ZNF695: variants seen among roughly 807,000 people sequenced by gnomAD.
The protein encoded by ZNF695 is zinc finger protein SBZF3.
A neutral mutation model predicts 11.2 loss-of-function variants in ZNF695; 11 were observed. The ratio of observed to expected loss-of-function variants is 0.98; its 90% CI spans 0.62 to 1.62. ZNF695 has a LOEUF of 1.62. Among genes scored for constraint, ZNF695 ranks in the 40% most tolerant of loss-of-function variants. The pLI is 0.00. For synonymous variants in ZNF695, 190 were observed against 201.4 expected (o/e 0.94, Z 0.48); for missense variants, 559 against 590.5 (o/e 0.95, Z 0.55).
chr1:246,960,680 C>G (rs922829397), intron 5 of ZNF695, among the ~76,000 whole-genome samples: 1 of 152,166 alleles, frequency 6.6e-6, no homozygotes, highest in Non-Finnish European at 1.5e-5. Context: ...TGGCTCACAC[C>G]TGTAATCCCA....
Position 246,987,241 on chromosome 1 carries a change from T to C in ZNF695, c.1274A>G (p.Gln425Arg), listed in dbSNP as rs1668877444. Residue 425 changes from glutamine to arginine, a missense_variant, in exon 4 of 4, where the codon CAA (glutamine) becomes CGA (arginine). Gln to Arg is a conservative substitution (Grantham distance 43). Coordinates refer to ENST00000339986, the MANE Select transcript of ZNF695 (RefSeq NM_020394.5). ...CTCTCCAGTATGAATTCTCTTATGTTGAGTAAGGTATGAAAACCAGGTAAA... is the reference window on the plus strand; with the variant it reads ...CTCTCCAGTATGAATTCTCTTATGTCGAGTAAGGTATGAAAACCAGGTAAA... ...KAFTWFSYLT[Q>R]HKRIHTGEKP... The C allele has an allele frequency of 1.2e-6, 2 of 1,613,904 alleles. No individual in the cohort carries two copies. Among genetic ancestry groups the C allele is most frequent in the Non-Finnish European group, 1.7e-6 (2 of 1,179,968 alleles).
chr1:246,999,752 T>C (rs560176055), intron 2 of ZNF695, among the ~76,000 whole-genome samples, 160 bp downstream of exon 2: 1 of 152,286 alleles, frequency 6.6e-6, no homozygotes, highest in African/African-American at 2.4e-5. Context: ...ATACATCAGC[T>C]GAATAGAAAG....
chr1:247,000,823 C>A (rs12748196), intron 1 of ZNF695, among the ~76,000 whole-genome samples: 6,007 of 152,234 alleles, frequency 0.039, 153 homozygotes, highest in South Asian at 0.12. Flanking sequence ...GTACACAGAC[C>A]ATTTACACTA....
intron 3 of ZNF695, 115 bp from the exon 4 acceptor site, chr1:246,988,370 C>T: frequency 1.4e-6 from 1 of 737,164 alleles, no homozygotes; most frequent in South Asian, 2.4e-5. Flanking sequence ...ATACCACAGG[C>T]CCTTATTCCT....
intron 3 of ZNF695, among the ~76,000 whole-genome samples, chr1:246,994,139 A>C (rs1160017185): frequency 1.3e-5 from 2 of 152,198 alleles, no homozygotes. Context: ...AATTATAAAC[A>C]TCTGTTCATA....
intron 3 of ZNF695, among the ~76,000 whole-genome samples, chr1:246,993,036 A>G (rs1669086604): frequency 6.6e-6 from 1 of 152,210 alleles, no homozygotes; most frequent in African/African-American, 2.4e-5. Context: ...AGCAGATGAG[A>G]AACTGCAGTA....
chr1:246,994,984 C>T (rs1558318573), intron 3 of ZNF695, among the ~76,000 whole-genome samples: 1 of 152,182 alleles, frequency 6.6e-6, no homozygotes, highest in Non-Finnish European at 1.5e-5. Context: ...ATCTGTGTCT[C>T]ACCAGGGTTC....
intron 1 of ZNF695, among the ~76,000 whole-genome samples, chr1:247,000,829 C>T (rs1419151095): frequency 1.3e-5 from 2 of 152,162 alleles, no homozygotes; most frequent in Non-Finnish European, 2.9e-5. Flanking sequence ...AGACCATTTA[C>T]ACTATAAAGC....
chr1:247,002,609 A>C (rs1435574685), intron 1 of ZNF695, among the ~76,000 whole-genome samples: 4 of 152,228 alleles, frequency 2.6e-5, no homozygotes, highest in African/African-American at 9.6e-5. Flanking sequence ...AACATGGCGA[A>C]ACCCCATCTC....
At position 246,999,384 on chromosome 1, in the gene ZNF695, A is replaced by AG. The variant is rs1669300023; in HGVS notation, c.222dup (p.Trp75LeufsTer20). Reference sequence around the variant, plus strand: ...GCTGTCTTCTCTGTGTTCACGTTCCAGGGCTCTTTCCTTGCCTCCAGACAG... The same window carrying AG: ...GCTGTCTTCTCTGTGTTCACGTTCCAGGGGCTCTTTCCTTGCCTCCAGACAG... On this transcript the variant is annotated frameshift_variant, in exon 3 of 4. Transcript: ENST00000339986. LOFTEE classifies it low-confidence loss of function (END_TRUNC). 1.2e-6 allele frequency: 2 copies of AG among 1,614,078 alleles called. No individual in the cohort carries two copies. Among genetic ancestry groups the AG allele is most frequent in the Non-Finnish European group, 1.7e-6 (2 of 1,179,996 alleles).
At chr1:246,976,618 C>T (rs373333262) in intron 4 of ZNF695, among the ~76,000 whole-genome samples, 10 of 151,578 alleles carry the variant, frequency 6.6e-5, no homozygotes, top group African/African-American at 1.2e-4. Context: ...CACGGTGAAA[C>T]CCCGTCTCTA....
chr1:246,945,612 A>G (rs543156462), downstream of ZNF695: 11 of 602,308 alleles, frequency 1.8e-5, no homozygotes, highest in South Asian at 2.5e-4. Flanking sequence ...AAAAAAAGAG[A>G]TATCTCAATA....
At chr1:246,945,615 T>A (rs1354670106), downstream of ZNF695, 5 of 612,150 alleles carry the variant, frequency 8.2e-6, no homozygotes, top group African/African-American at 7.4e-5. Flanking sequence ...AAAAGAGATA[T>A]CTCAATAAAA....
intron 5 of ZNF695, among the ~76,000 whole-genome samples, chr1:246,949,863 TG>T (rs1667829782): frequency 6.6e-6 from 1 of 152,248 alleles, no homozygotes; most frequent in African/African-American, 2.4e-5. Context: ...CTAACAATTT[TG>T]TATGTGTCTT....
At chr1:246,977,692 C>T (rs891341238) in intron 4 of ZNF695, among the ~76,000 whole-genome samples, 1 of 152,208 alleles carries the variant, frequency 6.6e-6, no homozygotes, top group African/African-American at 2.4e-5. Flanking sequence ...AACTTTCATA[C>T]ATCTCATTCT....
rs959134483 is a variant in ZNF695 at position 246,985,749 on chromosome 1, A to G, written c.*1218T>C. ...GTTTCTTTCTTAAATATAATGCAGA[A>G]TAGTACTCTGAAGACCTATCTCATG... On this transcript the variant is annotated 3_prime_UTR_variant, in exon 4 of 4. Coordinates refer to ENST00000339986, the MANE Select transcript of ZNF695 (RefSeq NM_020394.5). 1.0e-6 allele frequency: 1 copy of G among 985,312 alleles called. No homozygotes were observed. Among genetic ancestry groups the G allele is most frequent in the African/African-American group, 1.7e-5 (1 of 57,244 alleles). 61.0% of individuals were successfully genotyped at this position (985,312 alleles called of 1,614,324 possible).
At chr1:246,997,795 AAC>A (rs984294582) in intron 3 of ZNF695, among the ~76,000 whole-genome samples, 4 of 152,220 alleles carry the variant, frequency 2.6e-5, no homozygotes, top group African/African-American at 7.2e-5. Context: ...AAATAAGCCA[AAC>A]ACAGAAAAAC....
intron 5 of ZNF695, among the ~76,000 whole-genome samples, chr1:246,951,390 T>C (rs943461798): frequency 6.6e-6 from 1 of 151,770 alleles, no homozygotes; most frequent in African/African-American, 2.4e-5. Flanking sequence ...TCGAAGGTGG[T>C]GGAGGTTGGA....
intron 5 of ZNF695, chr1:246,966,694 G>C (rs1031212743): frequency 4.5e-6 from 2 of 442,018 alleles, no homozygotes; most frequent in Non-Finnish European, 9.1e-6. Context: ...GCTAAGGTGA[G>C]AGATCGCTTG....
Sources: gnomAD v4.1 joint callset for allele counts (sites outside exome capture counted in the v4.1 genomes callset) on GRCh38, gnomAD v4.1.1 for gene constraint, MANE v1.5 for transcripts, NCBI Gene and HGNC (gene_info 2026-07-23, HGNC 2026-07-21) for gene names.